ACO2: variants seen among roughly 807,000 people sequenced by gnomAD.
ACO2 encodes aconitase 2.
In ACO2, 31 loss-of-function variants were observed where a neutral mutation model predicts 84.5. The ratio of observed to expected loss-of-function variants is 0.37; its 90% CI spans 0.28 to 0.50. ACO2 has a LOEUF of 0.50. Among genes scored for constraint, ACO2 ranks in the 20% least tolerant of loss-of-function variants. The pLI, the probability that ACO2 is intolerant of heterozygous loss-of-function variation, is 0.97. For missense variants in ACO2, 685 were observed against 1,029.3 expected, an observed-to-expected ratio of 0.67 and a Z score of 4.58; for synonymous variants, 414 against 412.7, an observed-to-expected ratio of 1.00 and a Z score of -0.04.
chr22:41,526,498 G>A (rs1460852012), intron 15 of ACO2, 45 bp downstream of exon 15: 1 of 1,578,096 alleles, frequency 6.3e-7, no homozygotes, highest in Admixed American at 1.7e-5. Context: ...CACTCCTGAA[G>A]GGGCCTGCAA....
At chr22:41,491,577 A>T (rs1287298714) in intron 1 of ACO2, among the ~76,000 whole-genome samples, 1 of 152,168 alleles carries the variant, frequency 6.6e-6, no homozygotes, top group Non-Finnish European at 1.5e-5. Flanking sequence ...GGCCTTTAAA[A>T]CTGTCTGCAG....
At chr22:41,523,052 C>A in intron 10 of ACO2, 65 bp downstream of exon 10, 1 of 1,596,430 alleles carries the variant, frequency 6.3e-7, no homozygotes, top group South Asian at 1.1e-5. Context: ...CCAGGCGGCA[C>A]AAGCCCAGAG....
At chr22:41,525,040 T>A (rs1189377878) in intron 13 of ACO2, 72 bp downstream of exon 13, 12 of 1,610,964 alleles carry the variant, frequency 7.4e-6, no homozygotes, top group Non-Finnish European at 9.3e-6. Context: ...TCACAGCACC[T>A]CCTGTGCAGG....
chr22:41,474,912 T>C (rs956187799), intron 1 of ACO2, among the ~76,000 whole-genome samples: 12 of 152,090 alleles, frequency 7.9e-5, no homozygotes, highest in African/African-American at 2.9e-4. Flanking sequence ...ACAGTACTTA[T>C]AAAAATTAGC....
intron 3 of ACO2, among the ~76,000 whole-genome samples, chr22:41,510,939 C>T (rs1399641293): frequency 6.6e-6 from 1 of 152,176 alleles, no homozygotes; most frequent in Non-Finnish European, 1.5e-5. Flanking sequence ...GACACCAGTC[C>T]AGGGGGCTCT....
chr22:41,524,843 C>T lies in ACO2; in HGVS notation c.1483-3C>T. ...ACCAACAAACTGGCCACCTCCATTT[C>T]AGATTGTCACAGCCCTGGCCATTGC... On this transcript the variant is annotated splice_polypyrimidine_tract_variant and splice_region_variant and intron_variant, in intron 12 of 17. Transcript: ENST00000216254. 6.2e-7 allele frequency: 1 copy of T among 1,614,170 alleles called. No homozygotes were observed. Among genetic ancestry groups the T allele is most frequent in the Non-Finnish European group, 8.5e-7 (1 of 1,180,036 alleles).
At chr22:41,485,048 T>C (rs2038135844) in intron 1 of ACO2, among the ~76,000 whole-genome samples, 1 of 151,980 alleles carries the variant, frequency 6.6e-6, no homozygotes, top group African/African-American at 2.4e-5. Context: ...CTAATTTTTT[T>C]GTATTTTTAT....
At chr22:41,523,417 G>C (rs1344245974) in intron 11 of ACO2, 139 bp downstream of exon 11, 3 of 685,242 alleles carry the variant, frequency 4.4e-6, no homozygotes, top group Non-Finnish European at 7.2e-6. Context: ...CCCATTAGAA[G>C]CCTCTGGCAG....
Position 41,526,359 on chromosome 22 carries a change from G to C in ACO2, c.1859G>C (p.Gly620Ala). 4 of 1,613,664 alleles carry C rather than the reference G, an allele frequency of 2.5e-6. No individual in the cohort carries two copies. The highest frequency in any genetic ancestry group is 3.4e-6 in the Non-Finnish European group (4 of 1,180,040). ...AACATCTCCAACAACCTGCTCATTGGTGCCATCAACATTGAAAACGGCAAG... is the reference window on the plus strand; with the variant it reads ...AACATCTCCAACAACCTGCTCATTGCTGCCATCAACATTGAAAACGGCAAG... ...LDNISNNLLI[G>A]AINIENGKAN... The change falls in exon 15 of 18, where the codon GGT (glycine) becomes GCT (alanine). Residue 620 changes from glycine to alanine, a missense_variant. Around this residue, in one of 5 missense-constraint regions of ACO2, gnomAD observed 174 missense variants for 236.6 expected, o/e 0.74. Transcript: ENST00000216254.
intron 2 of ACO2, among the ~76,000 whole-genome samples, chr22:41,506,530 G>A (rs996609444): frequency 6.6e-6 from 1 of 152,134 alleles, no homozygotes; most frequent in African/African-American, 2.4e-5. Flanking sequence ...TGAGATTACA[G>A]GCATGAGCCA....
intron 4 of ACO2, chr22:41,512,406 T>G: frequency 6.4e-6 from 1 of 156,242 alleles, no homozygotes; most frequent in Non-Finnish European, 1.4e-5. Context: ...ATATTTGCCA[T>G]GCCCTGTGAG....
At chr22:41,513,907 C>T (rs534204639) in intron 4 of ACO2, among the ~76,000 whole-genome samples, 1 of 142,930 alleles carries the variant, frequency 7.0e-6, no homozygotes, top group Admixed American at 7.1e-5. Flanking sequence ...GTCTGCCTGA[C>T]CTCTCCCCCT....
intron 4 of ACO2, among the ~76,000 whole-genome samples, chr22:41,513,123 T>C (rs1009224611): frequency 2.6e-5 from 4 of 152,198 alleles, no homozygotes; most frequent in African/African-American, 9.7e-5. Flanking sequence ...CTGTGGGGAC[T>C]AGAAAGCCCC....
At chr22:41,523,745 C>T (rs2066546985) in intron 11 of ACO2, 85 bp from the exon 12 acceptor site, 4 of 1,274,204 alleles carry the variant, frequency 3.1e-6, no homozygotes, top group Middle Eastern at 2.6e-4. Context: ...CTGGGCTGCG[C>T]CACAGGAACC....
At chr22:41,499,651 C>G in intron 1 of ACO2, 75 bp from the exon 2 acceptor site, 3 of 1,496,836 alleles carry the variant, frequency 2.0e-6, no homozygotes, top group Non-Finnish European at 2.7e-6. Context: ...ATTTTTTTCA[C>G]CATACTGAGC....
intron 2 of ACO2, among the ~76,000 whole-genome samples, chr22:41,503,752 T>C (rs1424959615): frequency 1.3e-5 from 2 of 152,028 alleles, no homozygotes. Flanking sequence ...TTGGCTGGGG[T>C]TGGGGCTTAC....
intron 2 of ACO2, among the ~76,000 whole-genome samples, chr22:41,502,590 A>C (rs892813149): frequency 6.6e-6 from 1 of 152,048 alleles, no homozygotes; most frequent in Non-Finnish European, 1.5e-5. Context: ...GCTGTCATAG[A>C]GATTTGTTTT....
rs2146130935 is a variant in ACO2 at position 41,520,216 on chromosome 22, C to T, written c.1078C>T (p.Pro360Ser). The change falls in exon 9 of 18, where the codon CCT becomes TCT. Residue 360 changes from proline (P) to serine (S), a missense_variant. This residue lies in a region of ACO2 where 311 missense variants were observed against 441.6 expected (regional missense o/e 0.70). Transcript: ENST00000216254. ...GCCCTTCACCCCTGACCTGGCTCAC[C>T]CTGTGGCAGAAGTGGGCAAGGTGGC... is the stretch of plus-strand genomic sequence containing the variant. ...NGPFTPDLAH[P>S]VAEVGKVAEK... 4 of 1,613,940 alleles carry T rather than the reference C, an allele frequency of 2.5e-6. No homozygotes were observed. Among genetic ancestry groups the T allele is most frequent in the East Asian group, 2.2e-5 (1 of 44,872 alleles).
At position 41,528,827 on chromosome 22, in the gene ACO2, C is replaced by T; in HGVS notation, c.*214C>T. 1 of 641,838 alleles carries T rather than the reference C, an allele frequency of 1.6e-6. No homozygotes were observed. Among genetic ancestry groups the T allele is most frequent in the Non-Finnish European group, 2.6e-6 (1 of 385,656 alleles). The allele number at this position is 641,838 out of a possible 1,614,324, so 39.8% of individuals were successfully genotyped here. ...CCGTCTTCCTATTTTGAGTTTGGTT[C>T]AGATCTTAAGCAGCTCCATGCAACT... On this transcript the variant is annotated 3_prime_UTR_variant, in exon 18 of 18. Transcript: ENST00000216254.
Sources: allele counts gnomAD v4.1 joint callset (sites outside exome capture counted in the v4.1 genomes callset), GRCh38; gene constraint gnomAD v4.1.1; regional missense constraint gnomAD v4.1.1; transcripts MANE v1.5; gene names NCBI Gene and HGNC (gene_info 2026-07-23, HGNC 2026-07-21).